The following ERAP2 variants were observed in gnomAD, a reference collection of about 807,000 sequenced individuals.
The protein encoded by ERAP2 is leukocyte-derived arginine aminopeptidase.
Under a neutral mutation model 111.1 loss-of-function variants are expected in ERAP2, and 118 were observed. The observed-to-expected ratio is 1.06, with a 90% CI of 0.92 to 1.24. ERAP2 has a LOEUF of 1.24. ERAP2 is among the 50% of genes most tolerant of loss of function. The probability of loss-of-function intolerance (pLI) is 0.00; values close to 1 mark genes in which losing one functional copy is unlikely to be tolerated. For synonymous variants in ERAP2, 410 were observed against 401.2 expected, an observed-to-expected ratio of 1.02 and a Z score of -0.26; for missense variants, 1,131 against 1,125.8, an observed-to-expected ratio of 1.00 and a Z score of -0.07.
In ERAP2 at chr5:96,901,548, A is replaced by T. The variant is rs1785467413; in HGVS notation, c.1615A>T (p.Thr539Ser). 3.7e-6 allele frequency: 6 copies of T among 1,613,838 alleles called. No homozygotes were observed. Among genetic ancestry groups the T allele is most frequent in the South Asian group, 2.2e-5 (2 of 91,066 alleles). The change falls in exon 11 of 19, where the codon ACT becomes TCT. Residue 539 changes from threonine to serine, a missense_variant. Physicochemically the swap from Thr to Ser is moderately conservative, Grantham distance 58. Coordinates refer to ENST00000437043, the MANE Select transcript of ERAP2 (RefSeq NM_022350.5). ...AAATGCAGAGGTCAAAGAGATGATG[A>T]CTACATGGACTCTCCAGAAAGGAAT... The part of the protein sequence containing the change: ...GENAEVKEMM[T>S]TWTLQKGIPL...
chr5:96,912,817 C>T lies in ERAP2; in HGVS notation c.2516+19C>T, dbSNP rs1786950602. The T allele has an allele frequency of 6.4e-7, 1 of 1,574,398 alleles. No homozygotes were observed. ...TACTGAAGTAAGTTCAATAATTTAA[C>T]TAAATTGTTATAAGTAAACTGACAC... On this transcript the variant is annotated intron_variant, in intron 16 of 18. Coordinates refer to ENST00000437043, the MANE Select transcript of ERAP2 (RefSeq NM_022350.5).
Position 96,889,300 on chromosome 5 carries a change from A to G in ERAP2, c.965A>G (p.Lys322Arg), listed in dbSNP as rs1784083995. 1 of 1,613,964 alleles carries G rather than the reference A, an allele frequency of 6.2e-7. No homozygotes were observed. Among genetic ancestry groups the G allele is most frequent in the Non-Finnish European group, 8.5e-7 (1 of 1,179,928 alleles). Reference sequence around the variant, plus strand: ...TTTGATATCTACTATCCACTCTCCAAACTGGGTATGTTCAAATTCCACATT... The same window carrying G: ...TTTGATATCTACTATCCACTCTCCAGACTGGGTATGTTCAAATTCCACATT... ...KYFDIYYPLS[K>R]LDLIAIPDFA... Residue 322 changes from lysine to arginine, a missense_variant, in exon 5 of 19, where the codon AAA becomes AGA. Lys to Arg is a conservative substitution (Grantham distance 26). This residue lies in a region of ERAP2 where 847 missense variants were observed against 856.5 expected (regional missense o/e 0.99). Transcript: ENST00000437043.
At position 96,879,673 on chromosome 5, in the gene ERAP2, G is replaced by A. The variant is rs1477707462; in HGVS notation, c.-13G>A. 1 of 1,606,756 alleles carries A rather than the reference G, an allele frequency of 6.2e-7. No individual in the cohort carries two copies. The stretch of plus-strand genomic sequence containing the variant: ...AGCCTGGATATTAACTTGTCTTCTA[G>A]AGAATAGATTTCATGTTCCATTCTT... On this transcript the variant is annotated 5_prime_UTR_variant, in exon 2 of 19. Coordinates refer to ENST00000437043, the MANE Select transcript of ERAP2 (RefSeq NM_022350.5).
Position 96,896,495 on chromosome 5 carries a change from C to T in ERAP2, c.1362C>T (p.Ser454=), listed in dbSNP as rs1408142257. 10 of 1,612,960 alleles carry T rather than the reference C, an allele frequency of 6.2e-6. No homozygotes were observed. The highest frequency in any genetic ancestry group is 1.3e-5 in the African/African-American group (1 of 74,788). The change falls in exon 8 of 19, where the codon TCC becomes TCT. Residue 454 remains serine (S), a synonymous_variant. Coordinates refer to ENST00000437043, the MANE Select transcript of ERAP2 (RefSeq NM_022350.5). Reference sequence around the variant, plus strand: ...TACAGGAAATGTTTGATGAAGTTTCCTATAACAAGGTAGTAAATATCAGGT... The same window carrying T: ...TACAGGAAATGTTTGATGAAGTTTCTTATAACAAGGTAGTAAATATCAGGT... ...TQIQEMFDEV[S]YNKGACILNM...
chr5:96,908,593 G>A (rs535662548), intron 13 of ERAP2, among the ~76,000 whole-genome samples: 1 of 152,058 alleles, frequency 6.6e-6, no homozygotes, highest in Non-Finnish European at 1.5e-5. Context: ...TGTGTAAAAA[G>A]TTTGATATTA....
At position 96,886,807 on chromosome 5, in the gene ERAP2, C is replaced by T. The variant is rs760431265; in HGVS notation, c.849+18C>T. 2.8e-5 allele frequency: 40 copies of T among 1,436,388 alleles called. No individual in the cohort carries two copies. Among genetic ancestry groups the T allele is most frequent in the South Asian group, 9.8e-5 (6 of 61,218 alleles). 89.0% of individuals were successfully genotyped at this position (1,436,388 alleles called of 1,614,324 possible). A position where few individuals can be genotyped will look rare whatever the true frequency, so the allele number is the denominator to read the frequency against. ...GGGTCAAGGTGAGACTGAGTTCTAA[C>T]GTTCTACGCAGTGCAGAAAAGTGTC... On this transcript the variant is annotated intron_variant, in intron 4 of 18. Coordinates refer to ENST00000437043, the MANE Select transcript of ERAP2 (RefSeq NM_022350.5).
At position 96,896,750 on chromosome 5, in the gene ERAP2, A is replaced by G; in HGVS notation, c.1390A>G (p.Met464Val). 1 of 1,575,122 alleles carries G rather than the reference A, an allele frequency of 6.3e-7. No homozygotes were observed. Among genetic ancestry groups the G allele is most frequent in the Non-Finnish European group, 8.6e-7 (1 of 1,168,180 alleles). Reference sequence around the variant, plus strand: ...TTTAAAGGGAGCTTGTATTTTGAATATGCTCAAGGATTTTCTGGGTGAGGA... The same window carrying G: ...TTTAAAGGGAGCTTGTATTTTGAATGTGCTCAAGGATTTTCTGGGTGAGGA... Reference protein sequence around the residue: ...SYNKGACILNMLKDFLGEEKF... With the variant: ...SYNKGACILNVLKDFLGEEKF... The change falls in exon 9 of 19, where the codon ATG (methionine) becomes GTG (valine). Residue 464 changes from methionine to valine, a missense_variant. Physicochemically the swap from Met to Val is conservative, Grantham distance 21. Around this residue, in one of 3 missense-constraint regions of ERAP2, gnomAD observed 847 missense variants for 856.5 expected, o/e 0.99. Coordinates refer to ENST00000437043, the MANE Select transcript of ERAP2 (RefSeq NM_022350.5).
chr5:96,893,048 C>G (rs1048788462), intron 6 of ERAP2, among the ~76,000 whole-genome samples: 2 of 152,082 alleles, frequency 1.3e-5, no homozygotes, highest in Non-Finnish European at 2.9e-5. Context: ...ATAGTAAGCA[C>G]TCAATAAGTA....
Position 96,896,770 on chromosome 5 carries a change from T to C in ERAP2, c.1410T>C (p.Gly470=). ...CILNMLKDFL[G]EEKFQKGIIQ... Reference sequence around the variant, plus strand: ...TGAATATGCTCAAGGATTTTCTGGGTGAGGAGAAATTCCAGAAAGGAATAA... The same window carrying C: ...TGAATATGCTCAAGGATTTTCTGGGCGAGGAGAAATTCCAGAAAGGAATAA... Residue 470 remains glycine, a synonymous_variant, in exon 9 of 19, where the codon GGT becomes GGC. Coordinates refer to ENST00000437043, the MANE Select transcript of ERAP2 (RefSeq NM_022350.5). The C allele has an allele frequency of 1.3e-6, 2 of 1,511,188 alleles. No homozygotes were observed. The highest frequency in any genetic ancestry group is 1.8e-6 in the Non-Finnish European group (2 of 1,131,056). 93.6% of individuals were successfully genotyped at this position (1,511,188 alleles called of 1,614,324 possible). A position where few individuals can be genotyped will look rare whatever the true frequency, so the allele number is the denominator to read the frequency against.
chr5:96,880,162 C>T lies in ERAP2; in HGVS notation c.477C>T (p.His159=), dbSNP rs1459787044. The change falls in exon 2 of 19, where the codon CAC becomes CAT. Residue 159 remains histidine, a synonymous_variant. Transcript: ENST00000437043. ...TGGTTCCAGAGAAACTTACGCCTCA[C>T]CTGAAATACTATGTGGCTATGGACT... ...ALLVPEKLTP[H]LKYYVAMDFQ... 5 of 1,614,052 alleles carry T rather than the reference C, an allele frequency of 3.1e-6. No homozygotes were observed. In the Middle Eastern group the frequency reaches 4.9e-4, roughly 160 times the overall value.
At position 96,891,499 on chromosome 5, in the gene ERAP2, G is replaced by A. The variant is rs201885385; in HGVS notation, c.971-800G>A. 9.3e-3 allele frequency among the ~76,000 whole-genome samples: 1,299 copies of A among 140,062 alleles called. 48 individuals carry two copies. Among genetic ancestry groups the A allele is most frequent in the South Asian group, 0.08 (358 of 4,456 alleles). The allele number at this position is 140,062 out of a possible 152,430, so 91.9% of individuals were successfully genotyped here. On this transcript the variant is annotated intron_variant, in intron 5 of 18. Coordinates refer to ENST00000437043, the MANE Select transcript of ERAP2 (RefSeq NM_022350.5). ...TATATATATATGTGTGTGTGTGTGT[G>A]TATATATATATATATATGCCCATAT...
rs781024551 is a variant in ERAP2, at chr5:96,883,939, A to G, written c.714+9A>G. 1 of 1,555,330 alleles carries G rather than the reference A, an allele frequency of 6.4e-7. No individual in the cohort carries two copies. Among genetic ancestry groups the G allele is most frequent in the South Asian group, 1.2e-5 (1 of 82,714 alleles). On this transcript the variant is annotated intron_variant, in intron 3 of 18. Transcript: ENST00000437043. ...TATCCAACATGCCAAAGGTATGTCC[A>G]CTTCCAGAAACTTTTAGAAATTGTT...
At chr5:96,903,252 A>G (rs1292712555) in intron 12 of ERAP2, 125 bp from the exon 13 acceptor site, 3 of 714,164 alleles carry the variant, frequency 4.2e-6, no homozygotes, top group African/African-American at 1.8e-5. Context: ...GAATATCATT[A>G]TGACTCTCCC....
chr5:96,913,334 T>C lies in ERAP2; in HGVS notation c.2534T>C (p.Met845Thr), dbSNP rs1314427963. ...TTCTTCAGGTTAATTGAACTAGGAATGGAAGGAAAGGTTATCAAGACACAG... is the reference window on the plus strand; with the variant it reads ...TTCTTCAGGTTAATTGAACTAGGAACGGAAGGAAAGGTTATCAAGACACAG... ...EKLLKLIELGMEGKVIKTQNL... is the reference protein window; with the variant it reads ...EKLLKLIELGTEGKVIKTQNL... The change falls in exon 17 of 19, where the codon ATG becomes ACG. Residue 845 changes from methionine (M) to threonine (T), a missense_variant. Physicochemically the swap from Met to Thr is moderately conservative, Grantham distance 81. Transcript: ENST00000437043. 1.2e-6 allele frequency: 2 copies of C among 1,613,870 alleles called. No homozygotes were observed. Among genetic ancestry groups the C allele is most frequent in the Non-Finnish European group, 1.7e-6 (2 of 1,179,942 alleles).
intron 6 of ERAP2, among the ~76,000 whole-genome samples, chr5:96,892,706 T>C (rs1045530947): frequency 3.2e-4 from 48 of 152,132 alleles, no homozygotes; most frequent in Non-Finnish European, 1.2e-4. Flanking sequence ...CCTTCAAATG[T>C]CATTTGGGAA....
At chr5:96,895,168 G>A (rs1784747084) in intron 6 of ERAP2, 78 bp from the exon 7 acceptor site, 2 of 788,898 alleles carry the variant, frequency 2.5e-6, no homozygotes, top group South Asian at 3.4e-5. Flanking sequence ...AAAAAAGTTA[G>A]TAACTATTGT....
In ERAP2 at chr5:96,901,607, A is replaced by G. The variant is rs1255872343; in HGVS notation, c.1674A>G (p.Ser558=). Residue 558 remains serine, a synonymous_variant, in exon 11 of 19, where the codon TCA becomes TCG. Coordinates refer to ENST00000437043, the MANE Select transcript of ERAP2 (RefSeq NM_022350.5). ...TGGTGGTTAAACAAGACGGGTGTTC[A>G]CTCCGACTGCAACAGGAGCGCTTCC... The part of the protein sequence containing the change: ...PLLVVKQDGC[S]LRLQQERFLQ... 4 of 1,613,948 alleles carry G rather than the reference A, an allele frequency of 2.5e-6. No individual in the cohort carries two copies. Among genetic ancestry groups the G allele is most frequent in the Non-Finnish European group, 3.4e-6 (4 of 1,179,980 alleles).
chr5:96,882,564 A>G (rs1486547804), intron 2 of ERAP2, among the ~76,000 whole-genome samples: 3 of 152,222 alleles, frequency 2.0e-5, no homozygotes, highest in African/African-American at 7.2e-5. Context: ...TTCTTTTGAG[A>G]TGCAGAAGGT....
chr5:96,899,606 C>T, intron 9 of ERAP2, among the ~76,000 whole-genome samples: 1 of 152,072 alleles, frequency 6.6e-6, no homozygotes, highest in East Asian at 1.9e-4. Flanking sequence ...TTATTTTATT[C>T]CCAGTTAGTT....
Sources: allele counts gnomAD v4.1 joint callset (sites outside exome capture counted in the v4.1 genomes callset), GRCh38; gene constraint gnomAD v4.1.1; regional missense constraint gnomAD v4.1.1; transcripts MANE v1.5; gene names NCBI Gene and HGNC (gene_info 2026-07-23, HGNC 2026-07-21).